Variants in TBPL1 observed in about 807,000 individuals in gnomAD.
TBPL1 encodes TATA box-binding protein-like 1.
In TBPL1, 4 loss-of-function variants were observed where a neutral mutation model predicts 22.1. The ratio of observed to expected loss-of-function variants is 0.18; its 90% CI spans 0.09 to 0.41. The LOEUF is 0.41. TBPL1 is among the 10% of genes least tolerant of loss of function. TBPL1 has a pLI of 1.00. For missense variants in TBPL1, 115 were observed against 222.3 expected (o/e 0.52, Z 3.07); for synonymous variants, 64 against 71.0 (o/e 0.90, Z 0.50).
chr6:133,959,161 A>G (rs1775976721), intron 1 of TBPL1, among the ~76,000 whole-genome samples: 1 of 151,798 alleles, frequency 6.6e-6, no homozygotes, highest in Admixed American at 6.6e-5. Context: ...TGCCTCAGAC[A>G]CCCAAGTAGT....
At position 133,987,243 on chromosome 6, in the gene TBPL1, GCT is replaced by G; in HGVS notation, c.*204_*205del. On this transcript the variant is annotated 3_prime_UTR_variant, in exon 7 of 7. Coordinates refer to ENST00000237264, the MANE Select transcript of TBPL1 (RefSeq NM_004865.4). ...AAGGAAGTTTACAAGACATGATATTGCTGCTTTTACAAAAGGACATTCTATTT... is the reference window on the plus strand; with the variant it reads ...AAGGAAGTTTACAAGACATGATATTGGCTTTTACAAAAGGACATTCTATTT... 1 of 383,518 alleles carries G rather than the reference GCT, an allele frequency of 2.6e-6. No individual in the cohort carries two copies. The highest frequency in any genetic ancestry group is 4.7e-6 in the Non-Finnish European group (1 of 214,162). The allele number at this position is 383,518 out of a possible 1,614,324, so 23.8% of individuals were successfully genotyped here. A position where few individuals can be genotyped will look rare whatever the true frequency, so the allele number is the denominator to read the frequency against.
rs1199795920 is a variant in TBPL1, at chr6:133,988,435, A to G, written c.*1395A>G. ...TCTCAGGAGAAACTTAATGGGGACA[A>G]TATTCCAACACAATGTTCCACAAAA... On this transcript the variant is annotated 3_prime_UTR_variant, in exon 7 of 7. Coordinates refer to ENST00000237264, the MANE Select transcript of TBPL1 (RefSeq NM_004865.4). 6.6e-6 allele frequency: 1 copy of G among 152,202 alleles called. No homozygotes were observed. The highest frequency in any genetic ancestry group is 1.9e-4 in the East Asian group (1 of 5,198). The allele number at this position is 152,202 out of a possible 1,614,324, so 9.4% of individuals were successfully genotyped here. A position where few individuals can be genotyped will look rare whatever the true frequency, so the allele number is the denominator to read the frequency against.
chr6:133,959,858 A>C (rs1026183923), intron 1 of TBPL1, among the ~76,000 whole-genome samples: 1 of 152,214 alleles, frequency 6.6e-6, no homozygotes, highest in Admixed American at 6.5e-5. Context: ...TAATAAAGTC[A>C]ATGTGTAACC....
At chr6:133,960,232 A>G (rs764739583) in intron 1 of TBPL1, among the ~76,000 whole-genome samples, 18 of 152,214 alleles carry the variant, frequency 1.2e-4, no homozygotes, top group Non-Finnish European at 2.4e-4. Flanking sequence ...TGACTAATTC[A>G]TTAGACCTTC....
intron 1 of TBPL1, among the ~76,000 whole-genome samples, chr6:133,959,166 A>G (rs1775976813): frequency 6.6e-6 from 1 of 151,956 alleles, no homozygotes; most frequent in South Asian, 2.1e-4. Context: ...CAGACACCCA[A>G]GTAGTTGGGA....
intron 1 of TBPL1, among the ~76,000 whole-genome samples, chr6:133,979,876 A>G (rs528088970): frequency 6.6e-6 from 1 of 152,194 alleles, no homozygotes; most frequent in East Asian, 1.9e-4. Flanking sequence ...TGAACTCCTG[A>G]CCTCAGATGA....
intron 1 of TBPL1, among the ~76,000 whole-genome samples, chr6:133,967,022 C>T (rs1187392021): frequency 6.6e-6 from 1 of 152,174 alleles, no homozygotes; most frequent in Non-Finnish European, 1.5e-5. Flanking sequence ...GCATAGAAGG[C>T]ATGATTTGAC....
At chr6:133,985,273 G>T (rs1776487447) in intron 6 of TBPL1, among the ~76,000 whole-genome samples, 1 of 30,806 alleles carries the variant, frequency 3.2e-5, no homozygotes, top group Non-Finnish European at 5.2e-5. Flanking sequence ...GTGAGACTCT[G>T]TCTAAAAAAA....
chr6:133,970,853 TA>T (rs1311384977), intron 1 of TBPL1, among the ~76,000 whole-genome samples: 2 of 152,170 alleles, frequency 1.3e-5, no homozygotes, highest in Non-Finnish European at 2.9e-5. Context: ...TTGTACATAT[TA>T]TACATATTTA....
intron 1 of TBPL1, among the ~76,000 whole-genome samples, chr6:133,972,181 C>T (rs1007109730): frequency 6.6e-6 from 1 of 152,080 alleles, no homozygotes; most frequent in East Asian, 1.9e-4. Context: ...AGACATTCCC[C>T]CAAGTATTTG....
At chr6:133,968,644 T>A (rs1267248911) in intron 1 of TBPL1, among the ~76,000 whole-genome samples, 2 of 152,138 alleles carry the variant, frequency 1.3e-5, no homozygotes, top group African/African-American at 4.8e-5. Flanking sequence ...TTACAATTGA[T>A]GTCTACTGTC....
At chr6:133,963,031 G>A (rs1316387330) in intron 1 of TBPL1, among the ~76,000 whole-genome samples, 2 of 152,208 alleles carry the variant, frequency 1.3e-5, no homozygotes, top group Non-Finnish European at 2.9e-5. Context: ...GAGTAGGAGG[G>A]AGTTTAAAGT....
At chr6:133,959,790 G>A (rs1775989665) in intron 1 of TBPL1, among the ~76,000 whole-genome samples, 1 of 152,164 alleles carries the variant, frequency 6.6e-6, no homozygotes, top group African/African-American at 2.4e-5. Context: ...GCCACCTAGT[G>A]TTCTTTCTAT....
intron 1 of TBPL1, among the ~76,000 whole-genome samples, chr6:133,963,414 G>A (rs566167150): frequency 6.6e-6 from 1 of 152,038 alleles, no homozygotes; most frequent in Non-Finnish European, 1.5e-5. Context: ...TGTTTCTGTT[G>A]TTTTGTCTTT....
At chr6:133,976,924 C>G (rs1290308048) in intron 1 of TBPL1, among the ~76,000 whole-genome samples, 1 of 149,092 alleles carries the variant, frequency 6.7e-6, no homozygotes, top group Non-Finnish European at 1.5e-5. Context: ...GCCAAGATCG[C>G]GTCACAGCCC....
rs749475735 is a variant in TBPL1 at position 133,987,251 on chromosome 6, T to A, written c.*211T>A. 1.7e-4 allele frequency: 65 copies of A among 371,500 alleles called. 1 individual carries two copies. Among genetic ancestry groups the A allele is most frequent in the Admixed American group, 1.8e-4 (4 of 21,750 alleles). The allele number at this position is 371,500 out of a possible 1,614,324, so 23.0% of individuals were successfully genotyped here. A position where few individuals can be genotyped will look rare whatever the true frequency, so the allele number is the denominator to read the frequency against. ...TTACAAGACATGATATTGCTGCTTT[T>A]ACAAAAGGACATTCTATTTATTTTC... On this transcript the variant is annotated 3_prime_UTR_variant, in exon 7 of 7. Transcript: ENST00000237264.
chr6:133,981,204 C>T (rs1457789471), intron 2 of TBPL1, among the ~76,000 whole-genome samples: 1 of 152,086 alleles, frequency 6.6e-6, no homozygotes, highest in Admixed American at 6.6e-5. Flanking sequence ...ATCTCTTGAC[C>T]TTGTGATCCA....
rs1047549252 is a variant in TBPL1 at position 133,987,494 on chromosome 6, C to T, written c.*454C>T. On this transcript the variant is annotated 3_prime_UTR_variant, in exon 7 of 7. Coordinates refer to ENST00000237264, the MANE Select transcript of TBPL1 (RefSeq NM_004865.4). ...ACAAATAAAAGTTTGGAAAAGATCT[C>T]TCTTCATTCTATAACTTTTATTCCC... The T allele has an allele frequency of 2.0e-5, 3 of 152,422 alleles. No individual in the cohort carries two copies. Among genetic ancestry groups the T allele is most frequent in the African/African-American group, 7.2e-5 (3 of 41,402 alleles). 9.4% of individuals were successfully genotyped at this position (152,422 alleles called of 1,614,324 possible). A position where few individuals can be genotyped will look rare whatever the true frequency, so the allele number is the denominator to read the frequency against.
At chr6:133,969,632 G>A (rs923841657) in intron 1 of TBPL1, among the ~76,000 whole-genome samples, 5 of 152,064 alleles carry the variant, frequency 3.3e-5, no homozygotes, top group African/African-American at 9.7e-5. Flanking sequence ...AGGCAAACTT[G>A]GTAAAATTTT....
Sources: allele counts gnomAD v4.1 joint callset (sites outside exome capture counted in the v4.1 genomes callset), GRCh38; gene constraint gnomAD v4.1.1; transcripts MANE v1.5; gene names NCBI Gene and HGNC (gene_info 2026-07-23, HGNC 2026-07-21).